The following DENND5A variants were observed in gnomAD, a reference collection of about 807,000 sequenced individuals.
DENND5A encodes DENN domain containing 5A, also known as DENN domain-containing protein 5A.
DENND5A carries 64 observed loss-of-function variants against 140.3 expected under a neutral mutation model. The observed-to-expected ratio is 0.46, with a 90% CI of 0.37 to 0.56. DENND5A has a LOEUF of 0.56. Ranked by LOEUF, DENND5A falls within the 20% of genes least tolerant of loss-of-function variation. DENND5A has a pLI of 0.00. For missense variants in DENND5A, 1,292 were observed against 1,593.8 expected (o/e 0.81, Z 3.22); for synonymous variants, 605 against 607.7 (o/e 1.00, Z 0.07).
At chr11:9,236,293 A>C (rs929839546) in intron 1 of DENND5A, among the ~76,000 whole-genome samples, 3 of 151,570 alleles carry the variant, frequency 2.0e-5, no homozygotes, top group African/African-American at 7.3e-5. Flanking sequence ...GCACTTTGGG[A>C]GGCCGAGGCA....
intron 1 of DENND5A, among the ~76,000 whole-genome samples, chr11:9,257,895 C>A (rs555910657): frequency 8.6e-5 from 13 of 151,846 alleles, no homozygotes; most frequent in African/African-American, 2.9e-4. Context: ...CAGATTCAAG[C>A]GATTCTCTCG....
At chr11:9,151,782 C>T (rs556068629) in intron 13 of DENND5A, among the ~76,000 whole-genome samples, 1 of 152,162 alleles carries the variant, frequency 6.6e-6, no homozygotes, top group Non-Finnish European at 1.5e-5. Flanking sequence ...CATGAGCTCA[C>T]TTTGTGATCT....
intron 1 of DENND5A, among the ~76,000 whole-genome samples, chr11:9,247,672 G>A (rs1851537510): frequency 6.6e-6 from 1 of 152,106 alleles, no homozygotes; most frequent in South Asian, 2.1e-4. Flanking sequence ...AGATGCTCAT[G>A]TTACAGGTTG....
At position 9,228,371 on chromosome 11, in the gene DENND5A, G is replaced by C. The variant is rs61235734; in HGVS notation, c.110-20739C>G. Among the ~76,000 whole-genome samples the C allele has an allele frequency of 3.8e-3, 571 of 152,250 alleles. 6 individuals carry two copies. The highest frequency in any genetic ancestry group is 0.013 in the African/African-American group (551 of 41,542). On this transcript the variant is annotated intron_variant, in intron 1 of 22. Coordinates refer to ENST00000328194, the MANE Select transcript of DENND5A (RefSeq NM_015213.4). The stretch of plus-strand genomic sequence containing the variant: ...TCAGCTCCCCACCACCACCTGCAGA[G>C]AGGAGAGAGACGCTGAAGTGAGTTA...
intron 12 of DENND5A, among the ~76,000 whole-genome samples, chr11:9,153,344 CAA>C (rs59736475): frequency 5.2e-4 from 14 of 27,026 alleles, no homozygotes; most frequent in African/African-American, 1.5e-3. Flanking sequence ...GGCTCCCTCT[CAA>C]AAAAAAAAAA....
chr11:9,145,598 T>C lies in DENND5A; in HGVS notation c.3003+72A>G, dbSNP rs1312345091. On this transcript the variant is annotated intron_variant, in intron 17 of 22. Transcript: ENST00000328194. ...ACATAGCAAGCCCTCTGAAAAACCC[T>C]GCAGAAAACTCCCCAAAGCGGCTGT... The C allele has an allele frequency of 5.8e-6, 9 of 1,541,672 alleles. No individual in the cohort carries two copies. The Admixed American group carries it at 1.0e-4, about 17-fold the overall frequency.
intron 1 of DENND5A, among the ~76,000 whole-genome samples, chr11:9,214,361 A>C (rs1317680115): frequency 3.7e-4 from 56 of 152,354 alleles, no homozygotes; most frequent in Non-Finnish European, 1.3e-4. Context: ...GGAAGGGAAG[A>C]GATTACACAT....
intron 11 of DENND5A, among the ~76,000 whole-genome samples, chr11:9,164,221 TTTTTTTTTTTTA>T (rs1848109249): frequency 3.7e-5 from 3 of 80,616 alleles, no homozygotes; most frequent in African/African-American, 1.7e-4. Flanking sequence ...TTTTTTTTTT[TTTTTTTTTTTTA>T]GTAGAGATGA....
chr11:9,145,958 C>T, intron 16 of DENND5A, 143 bp from the exon 17 acceptor site: 2 of 861,228 alleles, frequency 2.3e-6, no homozygotes, highest in Admixed American at 2.3e-5. Flanking sequence ...ACAAGAGGGC[C>T]CCAGGACCTA....
chr11:9,186,099 G>A (rs1294919453), intron 5 of DENND5A, among the ~76,000 whole-genome samples: 2 of 152,174 alleles, frequency 1.3e-5, no homozygotes, highest in African/African-American at 4.8e-5. Context: ...AACATTTGCT[G>A]AGTGCATAAA....
chr11:9,243,756 GGT>G (rs1851344052), intron 1 of DENND5A, among the ~76,000 whole-genome samples: 1 of 151,936 alleles, frequency 6.6e-6, no homozygotes, highest in South Asian at 2.1e-4. Context: ...CGTGGTGGTG[GGT>G]GCCTGTGGTC....
chr11:9,175,698 A>G (rs552282870), intron 8 of DENND5A: 1 of 152,322 alleles, frequency 6.6e-6, no homozygotes, highest in African/African-American at 2.4e-5. Context: ...ATACAGACTA[A>G]TAACATTTTG....
intron 10 of DENND5A, among the ~76,000 whole-genome samples, chr11:9,167,014 T>C (rs1476983839): frequency 6.6e-6 from 1 of 152,060 alleles, no homozygotes; most frequent in Non-Finnish European, 1.5e-5. Context: ...CTTTCTATCA[T>C]AAAGTATAAA....
chr11:9,141,321 C>T (rs10769993), intron 22 of DENND5A, among the ~76,000 whole-genome samples: 58,601 of 152,030 alleles, frequency 0.39, 12,419 homozygotes, highest in African/African-American at 0.56. Context: ...GTTACATACA[C>T]GTTGTCATCC....
intron 5 of DENND5A, among the ~76,000 whole-genome samples, chr11:9,188,785 T>C (rs563298226): frequency 6.6e-6 from 1 of 152,326 alleles, no homozygotes; most frequent in African/African-American, 2.4e-5. Context: ...TCAAGAGGTC[T>C]CTTGGGTGCT....
chr11:9,242,770 C>CA (rs1258195875), intron 1 of DENND5A: 2 of 152,052 alleles, frequency 1.3e-5, no homozygotes, highest in Non-Finnish European at 2.9e-5. Flanking sequence ...TACTAGTGAG[C>CA]AGGATGGTCA....
intron 4 of DENND5A, among the ~76,000 whole-genome samples, chr11:9,198,211 T>A (rs186010956): frequency 6.6e-6 from 1 of 151,964 alleles, no homozygotes; most frequent in East Asian, 1.9e-4. Context: ...ATTAGGCATA[T>A]CATGAAGCAA....
At position 9,144,088 on chromosome 11, in the gene DENND5A, C is replaced by T. The variant is rs369309541; in HGVS notation, c.3304+9G>A. The T allele has an allele frequency of 2.4e-5, 39 of 1,611,136 alleles. No homozygotes were observed. In the African/African-American group the frequency reaches 4.1e-4, roughly 17 times the overall value. ...ATGGCATGAGGGCCCAACCCCTCCT[C>T]CCACTTACTGGGCTTGTTGTTGGGT... is the stretch of plus-strand genomic sequence containing the variant. On this transcript the variant is annotated intron_variant, in intron 19 of 22. Coordinates refer to ENST00000328194, the MANE Select transcript of DENND5A (RefSeq NM_015213.4).
chr11:9,210,119 G>GA (rs200510370), intron 1 of DENND5A, among the ~76,000 whole-genome samples: 2 of 151,880 alleles, frequency 1.3e-5, no homozygotes, highest in East Asian at 3.9e-4. Context: ...AAAAAAAAGA[G>GA]AAGAAACAGT....
Sources: gnomAD v4.1 joint callset for allele counts (sites outside exome capture counted in the v4.1 genomes callset) on GRCh38, gnomAD v4.1.1 for gene constraint, MANE v1.5 for transcripts, NCBI Gene and HGNC (gene_info 2026-07-23, HGNC 2026-07-21) for gene names.